The following RAP1A variants were observed in gnomAD, a reference collection of about 807,000 sequenced individuals.
The protein encoded by RAP1A is RAP1A, member of RAS oncogene family, also known as ras-related protein Rap-1A.
RAP1A carries 6 observed loss-of-function variants against 26.4 expected under a neutral mutation model. The observed-to-expected ratio is 0.23, with a 90% CI of 0.12 to 0.45. The LOEUF is 0.45. Among genes scored for constraint, RAP1A ranks in the 20% least tolerant of loss-of-function variants. The pLI is 0.99. For synonymous variants in RAP1A, 73 were observed against 79.4 expected (o/e 0.92, Z 0.43); for missense variants, 121 against 217.2 (o/e 0.56, Z 2.78).
chr1:111,642,211 C>G (rs1395727990), intron 1 of RAP1A, among the ~76,000 whole-genome samples: 1 of 152,106 alleles, frequency 6.6e-6, no homozygotes, highest in Non-Finnish European at 1.5e-5. Context: ...AGCCATTGCA[C>G]TCCAGCCTGG....
rs568642922 is a variant in RAP1A at position 111,548,870 on chromosome 1, A to G, written c.-28+6361A>G. On this transcript the variant is annotated intron_variant, in intron 1 of 7. Transcript: ENST00000356415. The stretch of plus-strand genomic sequence containing the variant: ...TCTTGCTTCAATTTTAACAAAATTC[A>G]TGTCGCTCTGATATGGGCTGTTTTC... Among the ~76,000 whole-genome samples the G allele has an allele frequency of 3.4e-3, 519 of 152,302 alleles. 3 individuals are homozygous for G. The highest frequency in any genetic ancestry group is 0.012 in the African/African-American group (488 of 41,560).
intron 1 of RAP1A, among the ~76,000 whole-genome samples, chr1:111,588,615 A>T (rs908532687): frequency 2.0e-5 from 3 of 151,484 alleles, no homozygotes; most frequent in African/African-American, 7.3e-5. Context: ...TGCCCCTGAG[A>T]CTCCTCTGGG....
chr1:111,588,361 C>G (rs1262885871), intron 1 of RAP1A, among the ~76,000 whole-genome samples: 2 of 152,166 alleles, frequency 1.3e-5, no homozygotes, highest in African/African-American at 4.8e-5. Context: ...CACACTGCTG[C>G]CACATACCAC....
intron 1 of RAP1A, among the ~76,000 whole-genome samples, chr1:111,644,451 G>T (rs1451631850): frequency 6.6e-6 from 1 of 152,030 alleles, no homozygotes; most frequent in African/African-American, 2.4e-5. Flanking sequence ...TCAGCTTCCC[G>T]GGAAACTCAG....
At chr1:111,571,707 T>C (rs1365316009) in intron 1 of RAP1A, among the ~76,000 whole-genome samples, 1 of 152,210 alleles carries the variant, frequency 6.6e-6, no homozygotes, top group Non-Finnish European at 1.5e-5. Flanking sequence ...TAAAAATGGC[T>C]AAGAAATCCC....
chr1:111,645,442 G>C (rs1271669411), intron 1 of RAP1A, among the ~76,000 whole-genome samples: 18 of 152,174 alleles, frequency 1.2e-4, no homozygotes. Context: ...TGAGATTTCA[G>C]ACCAGGAATT....
chr1:111,546,071 T>G (rs1279691404), intron 1 of RAP1A, among the ~76,000 whole-genome samples: 1 of 152,202 alleles, frequency 6.6e-6, no homozygotes, highest in Admixed American at 6.5e-5. Context: ...TTCAATTTTT[T>G]CTTTTTCAAA....
upstream of RAP1A, among the ~76,000 whole-genome samples, chr1:111,617,875 C>G (rs1659047564): frequency 6.6e-6 from 1 of 151,844 alleles, no homozygotes. Context: ...GAAACCCCGT[C>G]TCTAATAAAA....
chr1:111,567,275 G>C (rs903940686), intron 1 of RAP1A, among the ~76,000 whole-genome samples: 1 of 152,014 alleles, frequency 6.6e-6, no homozygotes, highest in Non-Finnish European at 1.5e-5. Flanking sequence ...AAGGTGCTTG[G>C]GTATCTTACA....
chr1:111,631,292 TG>T (rs1177857863), intron 1 of RAP1A, among the ~76,000 whole-genome samples: 1 of 152,198 alleles, frequency 6.6e-6, no homozygotes, highest in African/African-American at 2.4e-5. Flanking sequence ...TCATTGCAGT[TG>T]GTAGACAAAG....
At chr1:111,708,160 C>A (rs1239827619) in intron 6 of RAP1A, among the ~76,000 whole-genome samples, 1 of 152,188 alleles carries the variant, frequency 6.6e-6, no homozygotes, top group Non-Finnish European at 1.5e-5. Context: ...CGTGACAGAG[C>A]AAGACTCTGT....
intron 1 of RAP1A, among the ~76,000 whole-genome samples, chr1:111,563,128 G>A (rs764980763): frequency 6.6e-6 from 1 of 152,100 alleles, no homozygotes; most frequent in African/African-American, 2.4e-5. Context: ...CCAATACTGA[G>A]GCTGGGCACA....
At chr1:111,598,413 A>G (rs935288773) in intron 1 of RAP1A, among the ~76,000 whole-genome samples, 5 of 152,154 alleles carry the variant, frequency 3.3e-5, no homozygotes, top group Non-Finnish European at 2.9e-5. Flanking sequence ...GTTTGGATCC[A>G]GATTCCATAT....
rs1350607330 is a variant in RAP1A at position 111,593,084 on chromosome 1, AG to A, written c.-28+50580del. Among the ~76,000 whole-genome samples, 9 of 151,616 alleles carry A rather than the reference AG, an allele frequency of 5.9e-5. No homozygotes were observed. In the East Asian group the frequency reaches 1.6e-3, roughly 26 times the overall value. ...TGGCTGAGAGCAGCTGAGTGGGTGG[AG>A]GGGGCGGGGAGCCGGGTTGTGTTGG... On this transcript the variant is annotated intron_variant, in intron 1 of 7. Coordinates refer to the RAP1A transcript ENST00000356415.
chr1:111,668,812 AAGCCCAAGG>A, intron 1 of RAP1A, among the ~76,000 whole-genome samples: 1 of 152,002 alleles, frequency 6.6e-6, no homozygotes, highest in East Asian at 1.9e-4. Context: ...TAGATCACTT[AAGCCCAAGG>A]AGTTCGAGAC....
intron 1 of RAP1A, among the ~76,000 whole-genome samples, chr1:111,551,766 G>GTT (rs56257032): frequency 2.7e-5 from 4 of 149,158 alleles, no homozygotes; most frequent in Admixed American, 1.3e-4. Context: ...GTTTTGTTTT[G>GTT]TTTTTTTGAG....
intron 1 of RAP1A, among the ~76,000 whole-genome samples, chr1:111,581,069 TCAGTGGGAGC>T (rs1658249135): frequency 6.6e-6 from 1 of 150,428 alleles, no homozygotes; most frequent in African/African-American, 2.4e-5. Flanking sequence ...TTGCTATTTC[TCAGTGGGAGC>T]TTTGCCTGGG....
rs193253647 is a variant in RAP1A at position 111,587,525 on chromosome 1, C to A, written c.-28+45016C>A. Among the ~76,000 whole-genome samples the A allele has an allele frequency of 5.3e-5, 8 of 152,292 alleles. No homozygotes were observed. In the East Asian group the frequency reaches 7.7e-4, roughly 15 times the overall value. On this transcript the variant is annotated intron_variant, in intron 1 of 7. Coordinates refer to the RAP1A transcript ENST00000356415. ...TTACTCTATTCGTTATCCTCTCTAT[C>A]TCCTTTACTCCAAGCTTCCCCTCTA...
intron 6 of RAP1A, among the ~76,000 whole-genome samples, chr1:111,707,080 T>A (rs1662216819): frequency 6.6e-6 from 1 of 152,218 alleles, no homozygotes; most frequent in African/African-American, 2.4e-5. Flanking sequence ...ACAATTTTGT[T>A]TATAAATTCT....
Sources: gnomAD v4.1 joint callset for allele counts (sites outside exome capture counted in the v4.1 genomes callset) on GRCh38, gnomAD v4.1.1 for gene constraint, MANE v1.5 for transcripts, NCBI Gene and HGNC (gene_info 2026-07-23, HGNC 2026-07-21) for gene names.